Variants in EXOC6B observed in about 807,000 individuals in gnomAD.
EXOC6B encodes exocyst complex component 6B, also known as SEC15 homolog B.
A neutral mutation model predicts 113.5 loss-of-function variants in EXOC6B; 54 were observed. The ratio of observed to expected loss-of-function variants is 0.48; its 90% CI spans 0.38 to 0.60. The LOEUF (loss-of-function observed/expected upper bound fraction) is 0.60. Ranked by LOEUF, EXOC6B falls within the 20% of genes least tolerant of loss-of-function variation. The probability of loss-of-function intolerance (pLI) is 0.00; values close to 1 mark genes in which losing one functional copy is unlikely to be tolerated. For synonymous variants in EXOC6B, 357 were observed against 339.0 expected (o/e 1.05, Z -0.58); for missense variants, 797 against 977.5 (o/e 0.82, Z 2.46).
chr2:72,663,129 G>A lies in EXOC6B; in HGVS notation c.669+54974C>T, dbSNP rs549598181. On this transcript the variant is annotated intron_variant, in intron 6 of 21. Transcript: ENST00000272427. Reference sequence around the variant, plus strand: ...CATATTAACTGGAAACAAACCAAATGCCAATCAACAGCCAATTCTATAAAC... The same window carrying A: ...CATATTAACTGGAAACAAACCAAATACCAATCAACAGCCAATTCTATAAAC... 2.4e-4 allele frequency among the ~76,000 whole-genome samples: 36 copies of A among 152,246 alleles called. No homozygotes were observed. In the East Asian group the frequency reaches 2.5e-3, roughly 11 times the overall value.
intron 1 of EXOC6B, among the ~76,000 whole-genome samples, chr2:72,810,817 G>C (rs575506236): frequency 1.3e-5 from 2 of 152,244 alleles, no homozygotes; most frequent in South Asian, 4.1e-4. Flanking sequence ...ACTTTGGAAG[G>C]CTGAGGCTGG....
chr2:72,519,661 A>C (rs575469864), intron 8 of EXOC6B, among the ~76,000 whole-genome samples: 2 of 152,286 alleles, frequency 1.3e-5, no homozygotes, highest in South Asian at 4.1e-4. Context: ...TCGCTCACTC[A>C]GTGTTTCCAG....
intron 20 of EXOC6B, among the ~76,000 whole-genome samples, chr2:72,222,283 CA>C (rs1017170012): frequency 6.6e-6 from 1 of 152,166 alleles, no homozygotes; most frequent in African/African-American, 2.4e-5. Context: ...TGGAAAAGTT[CA>C]AAGGGTTGGC....
intron 1 of EXOC6B, among the ~76,000 whole-genome samples, chr2:72,777,580 T>C (rs933706778): frequency 1.3e-5 from 2 of 152,006 alleles, no homozygotes; most frequent in African/African-American, 4.8e-5. Context: ...AGCAAGTCCC[T>C]CAGGCTGGAA....
rs1232167716 is a variant in EXOC6B at position 72,224,924 on chromosome 2, G to GTA, written c.2197-40739_2197-40738dup. Among the ~76,000 whole-genome samples, 4 of 148,872 alleles carry GTA rather than the reference G, an allele frequency of 2.7e-5. No homozygotes were observed. In the East Asian group the frequency reaches 7.8e-4, roughly 29 times the overall value. On this transcript the variant is annotated intron_variant, in intron 20 of 21. Coordinates refer to ENST00000272427, the MANE Select transcript of EXOC6B (RefSeq NM_015189.3). ...TATATATATAGATGTGTATATATGT[G>GTA]TATATATATGTCTGTGTATACATAT...
chr2:72,715,154 G>C (rs1679525225), intron 6 of EXOC6B, among the ~76,000 whole-genome samples: 1 of 152,048 alleles, frequency 6.6e-6, no homozygotes. Context: ...TTGAACCCGA[G>C]AGGCAGAGCT....
intron 18 of EXOC6B, among the ~76,000 whole-genome samples, chr2:72,451,383 G>A (rs1000914969): frequency 9.2e-5 from 14 of 152,010 alleles, no homozygotes; most frequent in African/African-American, 3.4e-4. Flanking sequence ...AAGATTAAAG[G>A]CAACTTAAGT....
intron 1 of EXOC6B, among the ~76,000 whole-genome samples, chr2:72,781,821 C>T (rs569014766): frequency 2.6e-5 from 4 of 152,066 alleles, no homozygotes; most frequent in South Asian, 2.1e-4. Context: ...TGCAATCATA[C>T]GTACCTGGAA....
At chr2:72,751,467 G>A (rs1219954655) in intron 1 of EXOC6B, among the ~76,000 whole-genome samples, 1 of 152,090 alleles carries the variant, frequency 6.6e-6, no homozygotes, top group African/African-American at 2.4e-5. Context: ...AGGCTGCAGA[G>A]AGAATAGACT....
At chr2:72,411,045 C>T (rs1694148778) in intron 18 of EXOC6B, among the ~76,000 whole-genome samples, 1 of 152,096 alleles carries the variant, frequency 6.6e-6, no homozygotes, top group African/African-American at 2.4e-5. Context: ...CCTGTCTCTA[C>T]TAAAAATACA....
At chr2:72,414,620 A>G (rs1369533169) in intron 18 of EXOC6B, among the ~76,000 whole-genome samples, 2 of 152,226 alleles carry the variant, frequency 1.3e-5, no homozygotes, top group Non-Finnish European at 2.9e-5. Flanking sequence ...AGTGTCAATC[A>G]GCTAAACTTT....
intron 20 of EXOC6B, among the ~76,000 whole-genome samples, chr2:72,285,797 AC>A (rs1685389522): frequency 6.6e-6 from 1 of 152,164 alleles, no homozygotes; most frequent in South Asian, 2.1e-4. Flanking sequence ...CAATAAAAAA[AC>A]AAACAATCCA....
At chr2:72,208,778 C>A (rs979291350) in intron 20 of EXOC6B, among the ~76,000 whole-genome samples, 1 of 152,176 alleles carries the variant, frequency 6.6e-6, no homozygotes, top group Admixed American at 6.5e-5. Flanking sequence ...TACTAGAAAT[C>A]TTCCAATGTC....
In EXOC6B at chr2:72,300,313, T is replaced by C. The variant is rs533123278; in HGVS notation, c.2196+34634A>G. Among the ~76,000 whole-genome samples the C allele has an allele frequency of 2.6e-5, 4 of 152,266 alleles. No homozygotes were observed. In the South Asian group the frequency reaches 6.2e-4, roughly 24 times the overall value. On this transcript the variant is annotated intron_variant, in intron 20 of 21. Coordinates refer to ENST00000272427, the MANE Select transcript of EXOC6B (RefSeq NM_015189.3). ...CAGTTGGAACTTCCTGGCAGCTTTG[T>C]TTACACTGTGAGGATAAAACCGCCT...
At chr2:72,419,608 A>G (rs1483475802) in intron 18 of EXOC6B, among the ~76,000 whole-genome samples, 2 of 152,102 alleles carry the variant, frequency 1.3e-5, no homozygotes, top group East Asian at 3.9e-4. Flanking sequence ...TTTTCTTTTA[A>G]CACTTTGATA....
At chr2:72,691,132 A>C (rs1677450687) in intron 6 of EXOC6B, among the ~76,000 whole-genome samples, 1 of 152,156 alleles carries the variant, frequency 6.6e-6, no homozygotes, top group African/African-American at 2.4e-5. Context: ...AATAAAAAGA[A>C]GAAGAGATAC....
intron 6 of EXOC6B, among the ~76,000 whole-genome samples, chr2:72,601,110 ATATGTGTGTGTGTATG>A (rs1670397169): frequency 1.4e-5 from 2 of 145,730 alleles, no homozygotes; most frequent in Admixed American, 1.4e-4. Flanking sequence ...ACATATATAT[ATATGTGTGTGTGTATG>A]TGTGTGTGTG....
intron 20 of EXOC6B, among the ~76,000 whole-genome samples, chr2:72,195,631 C>T (rs1262099646): frequency 6.6e-6 from 1 of 152,218 alleles, no homozygotes; most frequent in Admixed American, 6.5e-5. Flanking sequence ...GACTAAGTGG[C>T]TTAAATAAAA....
At chr2:72,798,515 T>G (rs1685101735) in intron 1 of EXOC6B, among the ~76,000 whole-genome samples, 1 of 152,170 alleles carries the variant, frequency 6.6e-6, no homozygotes, top group Non-Finnish European at 1.5e-5. Context: ...AGCACATATT[T>G]GTGAGACACC....
Sources: gnomAD v4.1 joint callset for allele counts (sites outside exome capture counted in the v4.1 genomes callset) on GRCh38, gnomAD v4.1.1 for gene constraint, MANE v1.5 for transcripts, NCBI Gene and HGNC (gene_info 2026-07-23, HGNC 2026-07-21) for gene names.